Variants in SI observed in about 807,000 individuals in gnomAD.
SI encodes the protein sucrase-isomaltase.
In SI, 235 loss-of-function variants were observed where a neutral mutation model predicts 253.3. The observed-to-expected ratio is 0.93, with a 90% CI of 0.83 to 1.03. SI has a LOEUF of 1.03. SI is among the 50% of genes least tolerant of loss of function. The probability of loss-of-function intolerance (pLI) is 0.00; values close to 1 mark genes in which losing one functional copy is unlikely to be tolerated. For synonymous variants in SI, 819 were observed against 712.0 expected, an observed-to-expected ratio of 1.15 and a Z score of -2.39; for missense variants, 2,442 against 2,211.1, an observed-to-expected ratio of 1.10 and a Z score of -2.09.
At chr3:165,019,842 ATTCT>A in intron 27 of SI, 72 bp from the exon 28 acceptor site, 1 of 1,293,792 alleles carries the variant, frequency 7.7e-7, no homozygotes, top group Non-Finnish European at 1.1e-6. Flanking sequence ...AATAACGGTA[ATTCT>A]TTCTTAGATT....
In SI at chr3:165,038,564, A is replaced by AT. The variant is rs532368265; in HGVS notation, c.2301+513_2301+514insA. Among the ~76,000 whole-genome samples the AT allele has an allele frequency of 5.5e-3, 823 of 150,912 alleles. 10 individuals carry two copies. Among genetic ancestry groups the AT allele is most frequent in the South Asian group, 0.033 (157 of 4,796 alleles). ...CTCTACTAAAAAAAAATTCAAAAAA[A>AT]AAAAATAAATAAATATTGCTCAAAA... On this transcript the variant is annotated intron_variant, in intron 20 of 47. Coordinates refer to ENST00000264382, the MANE Select transcript of SI (RefSeq NM_001041.4).
intron 6 of SI, among the ~76,000 whole-genome samples, chr3:165,066,921 C>T (rs1215425365): frequency 6.6e-6 from 1 of 151,820 alleles, no homozygotes; most frequent in African/African-American, 2.4e-5. Flanking sequence ...GGTGTTCATT[C>T]TATATTGGAT....
chr3:164,981,290 A>G (rs983895038), intron 47 of SI, among the ~76,000 whole-genome samples: 3 of 152,090 alleles, frequency 2.0e-5, no homozygotes, highest in Non-Finnish European at 4.4e-5. Flanking sequence ...CCACTTGTCA[A>G]CAAAACAGCA....
chr3:165,069,025 T>A, intron 4 of SI, 53 bp downstream of exon 4: 1 of 1,265,244 alleles, frequency 7.9e-7, no homozygotes, highest in South Asian at 1.2e-5. Flanking sequence ...TTCCACATTT[T>A]CGCTCCAGTT....
rs1223908714 is a variant in SI, at chr3:165,058,884, A to G, written c.1398+79T>C. ...TACACACACACACACACACACACAC[A>G]CACGCACATCCACAGAAACTTTATT... is the stretch of plus-strand genomic sequence containing the variant. On this transcript the variant is annotated intron_variant, in intron 12 of 47. Transcript: ENST00000264382. 10 of 1,173,480 alleles carry G rather than the reference A, an allele frequency of 8.5e-6. No individual in the cohort carries two copies. The African/African-American group carries it at 1.1e-4, about 12-fold the overall frequency. 72.7% of individuals were successfully genotyped at this position (1,173,480 alleles called of 1,614,324 possible).
At chr3:165,037,329 C>T (rs553833941) in intron 21 of SI, among the ~76,000 whole-genome samples, 8 of 152,012 alleles carry the variant, frequency 5.3e-5, no homozygotes, top group East Asian at 3.9e-4. Flanking sequence ...AAATTCAATA[C>T]GGCACTTTCT....
At chr3:165,014,326 G>GGGTT (rs1240672088) in intron 33 of SI, among the ~76,000 whole-genome samples, 1 of 151,948 alleles carries the variant, frequency 6.6e-6, no homozygotes, top group Non-Finnish European at 1.5e-5. Flanking sequence ...TTGGCTCACT[G>GGGTT]CAAGCTCCGC....
intron 41 of SI, among the ~76,000 whole-genome samples, chr3:164,992,726 C>G (rs1478520097): frequency 6.6e-6 from 1 of 151,618 alleles, no homozygotes; most frequent in African/African-American, 2.4e-5. Context: ...ATATGATCAA[C>G]AAATTAAAAA....
intron 20 of SI, among the ~76,000 whole-genome samples, chr3:165,038,768 A>G (rs1175375741): frequency 2.0e-5 from 3 of 152,034 alleles, no homozygotes; most frequent in African/African-American, 7.2e-5. Flanking sequence ...AGGAAAAAGC[A>G]TTAAAATAAG....
intron 34 of SI, among the ~76,000 whole-genome samples, chr3:165,010,684 T>A (rs1718728028): frequency 6.6e-6 from 1 of 152,220 alleles, no homozygotes; most frequent in Admixed American, 6.5e-5. Context: ...TAACTTATTC[T>A]ATTAGCTGGC....
intron 44 of SI, among the ~76,000 whole-genome samples, chr3:164,989,365 AAAGAAAGGAAGAAAGAAAGAAAGG>A (rs1263084555): frequency 1.5e-3 from 183 of 121,504 alleles, no homozygotes; most frequent in African/African-American, 5.1e-3. Context: ...AGAAAGAAAG[AAAGAAAGGAAGAAAGAAAGAAAGG>A]AAGAAAGAAA....
chr3:164,996,489 TA>T (rs1718014565), intron 40 of SI, 45 bp downstream of exon 40: 2 of 1,008,844 alleles, frequency 2.0e-6, no homozygotes, highest in Non-Finnish European at 1.6e-6. Context: ...TAATGAAGCA[TA>T]GCCCAAGTAA....
chr3:165,025,934 AG>A (rs1205848562), intron 25 of SI, among the ~76,000 whole-genome samples: 1 of 151,314 alleles, frequency 6.6e-6, no homozygotes, highest in African/African-American at 2.4e-5. Context: ...TAAAAAAACA[AG>A]GTATACAGGA....
At chr3:165,070,358 A>G (rs904575049) in intron 3 of SI, among the ~76,000 whole-genome samples, 9 of 142,736 alleles carry the variant, frequency 6.3e-5, no homozygotes, top group South Asian at 2.1e-4. Context: ...ATATATATAT[A>G]TATATATGTG....
At chr3:164,986,391 T>G (rs1482331881) in intron 45 of SI, among the ~76,000 whole-genome samples, 1 of 152,186 alleles carries the variant, frequency 6.6e-6, no homozygotes, top group Non-Finnish European at 1.5e-5. Context: ...CATGAAGAAG[T>G]TAACAACCTC....
rs1307065268 is a variant in SI at position 165,017,557 on chromosome 3, G to T, written c.3750C>A (p.Asn1250Lys). 5 of 1,611,696 alleles carry T rather than the reference G, an allele frequency of 3.1e-6. No individual in the cohort carries two copies. Among genetic ancestry groups the T allele is most frequent in the African/African-American group, 2.7e-5 (2 of 74,796 alleles). The change falls in exon 31 of 48, where the codon AAC becomes AAA. Residue 1250 changes from asparagine (N) to lysine (K), a missense_variant. Coordinates refer to ENST00000264382, the MANE Select transcript of SI (RefSeq NM_001041.4). ...RELYDAMVAA[N>K]IPYDVQYTDI... The stretch of plus-strand genomic sequence containing the variant: ...AAATTGATATACATACATAGGGGAT[G>T]TTAGCAGCCACCATAGCGTCATATA...
rs572104008 is a variant in SI at position 165,058,205 on chromosome 3, A to T, written c.1398+758T>A. ...GAATGACCACTGGGTCAATGAATAA[A>T]TTTAGGAAAAAATTTACAAATGTTT... On this transcript the variant is annotated intron_variant, in intron 12 of 47. Coordinates refer to ENST00000264382, the MANE Select transcript of SI (RefSeq NM_001041.4). Among the ~76,000 whole-genome samples the T allele has an allele frequency of 5.9e-5, 9 of 152,108 alleles. No homozygotes were observed. The East Asian group carries it at 1.5e-3, about 26-fold the overall frequency.
intron 21 of SI, among the ~76,000 whole-genome samples, chr3:165,036,812 A>C (rs1712557933): frequency 6.6e-6 from 1 of 151,870 alleles, no homozygotes; most frequent in African/African-American, 2.4e-5. Context: ...ATTAAGGCTC[A>C]ACTCAACCTG....
chr3:165,077,820 T>C (rs760833334), intron 1 of SI, among the ~76,000 whole-genome samples: 1 of 151,626 alleles, frequency 6.6e-6, no homozygotes, highest in Non-Finnish European at 1.5e-5. Flanking sequence ...AAACTCTCCT[T>C]TGTCTAGAAA....
Sources: gnomAD v4.1 joint callset for allele counts (sites outside exome capture counted in the v4.1 genomes callset) on GRCh38, gnomAD v4.1.1 for gene constraint, MANE v1.5 for transcripts, NCBI Gene and HGNC (gene_info 2026-07-23, HGNC 2026-07-21) for gene names.